PARG: variants seen among roughly 807,000 people sequenced by gnomAD.
PARG encodes the protein poly(ADP-ribose) glycohydrolase.
A neutral mutation model predicts 113.0 loss-of-function variants in PARG; 35 were observed. That is an observed-to-expected ratio of 0.31 (90% CI 0.24 to 0.41). PARG has a LOEUF of 0.41. PARG is among the 10% of genes least tolerant of loss of function. The pLI, the probability that PARG is intolerant of heterozygous loss-of-function variation, is 1.00. For missense variants in PARG, 797 were observed against 1,169.4 expected, an observed-to-expected ratio of 0.68 and a Z score of 4.64; for synonymous variants, 330 against 409.9, an observed-to-expected ratio of 0.81 and a Z score of 2.36.
chr10:49,913,846 T>C (rs1429516708), intron 7 of PARG, among the ~76,000 whole-genome samples: 2 of 152,142 alleles, frequency 1.3e-5, no homozygotes, highest in African/African-American at 4.8e-5. Flanking sequence ...GAAATTGCAG[T>C]GAGCTGAGAT....
intron 4 of PARG, among the ~76,000 whole-genome samples, chr10:49,925,475 C>T (rs1838103231): frequency 6.6e-6 from 1 of 152,204 alleles, no homozygotes; most frequent in Admixed American, 6.5e-5. Flanking sequence ...ATGCATCTTA[C>T]ATGTATTGAT....
At chr10:49,857,012 A>AT (rs1327587362) in intron 13 of PARG, among the ~76,000 whole-genome samples, 8 of 81,456 alleles carry the variant, frequency 9.8e-5, no homozygotes, top group Non-Finnish European at 2.5e-4. Flanking sequence ...TCTGTCTCAA[A>AT]AAAAAAAAAA....
intron 16 of PARG, among the ~76,000 whole-genome samples, chr10:49,826,648 T>C (rs1356159960): frequency 1.3e-5 from 2 of 152,224 alleles, no homozygotes; most frequent in Admixed American, 1.3e-4. Context: ...TTAATATACA[T>C]ATGTCATGGA....
At chr10:49,938,733 T>A (rs1244148559) in intron 1 of PARG, among the ~76,000 whole-genome samples, 1 of 152,052 alleles carries the variant, frequency 6.6e-6, no homozygotes, top group African/African-American at 2.4e-5. Flanking sequence ...CCAGCAAAAT[T>A]AGCGATTTCA....
At chr10:49,848,924 A>G (rs1554833730) in intron 13 of PARG, among the ~76,000 whole-genome samples, 1 of 151,782 alleles carries the variant, frequency 6.6e-6, no homozygotes. Flanking sequence ...CATCCTAGAC[A>G]TGTGTCAAAG....
chr10:49,826,294 A>G (rs1485121487), intron 16 of PARG, among the ~76,000 whole-genome samples: 2 of 152,204 alleles, frequency 1.3e-5, no homozygotes, highest in Admixed American at 6.5e-5. Flanking sequence ...AGAAGAAAGC[A>G]AAGTGAGGAG....
At chr10:49,921,443 G>A (rs1837866357) in intron 6 of PARG, among the ~76,000 whole-genome samples, 1 of 151,538 alleles carries the variant, frequency 6.6e-6, no homozygotes, top group South Asian at 2.1e-4. Context: ...TAAAAAAAGA[G>A]CCCATTAGAA....
chr10:49,936,581 T>G lies in PARG; in HGVS notation c.218-1439A>C, dbSNP rs1327400096. 1.3e-3 allele frequency among the ~76,000 whole-genome samples: 197 copies of G among 152,262 alleles called. 1 individual carries two copies. Among genetic ancestry groups the G allele is most frequent in the African/African-American group, 4.5e-3 (186 of 41,556 alleles). The stretch of plus-strand genomic sequence containing the variant: ...TTAGAAATAAGTGTGCTGTCAAAAT[T>G]TAATATACTGAATAGGGATTAAATG... On this transcript the variant is annotated intron_variant, in intron 1 of 17. Coordinates refer to ENST00000616448, the MANE Select transcript of PARG (RefSeq NM_003631.5).
intron 4 of PARG, among the ~76,000 whole-genome samples, chr10:49,928,429 T>C (rs535696690): frequency 2.0e-3 from 306 of 152,084 alleles, no homozygotes; most frequent in African/African-American, 7.1e-3. Flanking sequence ...GGAACATACA[T>C]GTAATATGCT....
intron 7 of PARG, among the ~76,000 whole-genome samples, chr10:49,907,541 T>C (rs1554845277): frequency 6.6e-6 from 1 of 152,134 alleles, no homozygotes; most frequent in Non-Finnish European, 1.5e-5. Flanking sequence ...GAAAAACAGA[T>C]CTAACGTTCT....
chr10:49,932,851 A>G (rs1432424185), intron 3 of PARG, among the ~76,000 whole-genome samples: 3 of 152,028 alleles, frequency 2.0e-5, no homozygotes, highest in African/African-American at 7.2e-5. Flanking sequence ...AAAGTGTAAT[A>G]TACAATGGTC....
chr10:49,880,446 CAAGG>C, intron 8 of PARG, among the ~76,000 whole-genome samples: 1 of 152,184 alleles, frequency 6.6e-6, no homozygotes, highest in Non-Finnish European at 1.5e-5. Context: ...CATTCCAAGT[CAAGG>C]AAGATGTAAG....
At chr10:49,880,165 C>T (rs1847145970) in intron 8 of PARG, among the ~76,000 whole-genome samples, 1 of 152,030 alleles carries the variant, frequency 6.6e-6, no homozygotes, top group African/African-American at 2.4e-5. Context: ...AAAGATGAAA[C>T]AAAAATATAT....
intron 13 of PARG, among the ~76,000 whole-genome samples, chr10:49,844,894 C>T (rs1345657665): frequency 6.6e-6 from 1 of 152,176 alleles, no homozygotes; most frequent in Non-Finnish European, 1.5e-5. Context: ...CGAACTCCTA[C>T]ATGTCTGCAA....
intron 11 of PARG, among the ~76,000 whole-genome samples, chr10:49,861,865 T>C (rs1362541956): frequency 1.3e-5 from 2 of 150,920 alleles, no homozygotes; most frequent in Non-Finnish European, 3.0e-5. Flanking sequence ...AAATTAAAAT[T>C]GGATAACATA....
At chr10:49,832,752 A>T (rs959092472) in intron 16 of PARG, 51 bp downstream of exon 16, 6 of 1,048,636 alleles carry the variant, frequency 5.7e-6, no homozygotes, top group Non-Finnish European at 8.5e-6. Flanking sequence ...TTGAAGGACT[A>T]ACTTTTTTTG....
At chr10:49,899,128 T>C (rs1554843397) in intron 7 of PARG, among the ~76,000 whole-genome samples, 1 of 152,228 alleles carries the variant, frequency 6.6e-6, no homozygotes, top group East Asian at 1.9e-4. Context: ...TCAGAATCTC[T>C]ATTACTCAGC....
At position 49,881,468 on chromosome 10, in the gene PARG, C is replaced by T. The variant is rs1847211047; in HGVS notation, c.1831-1638G>A. Among the ~76,000 whole-genome samples, 4 of 152,200 alleles carry T rather than the reference C, an allele frequency of 2.6e-5. No individual in the cohort carries two copies. The South Asian group carries it at 8.3e-4, about 31-fold the overall frequency. On this transcript the variant is annotated intron_variant, in intron 8 of 17. Transcript: ENST00000616448. ...CCTTCAGCTGTTAAGTTTCAAAATG[C>T]TCCCACAGAATATTTAGAGATGCAT...
intron 7 of PARG, among the ~76,000 whole-genome samples, chr10:49,890,645 A>AT (rs111832028): frequency 3.3e-5 from 5 of 151,418 alleles, no homozygotes; most frequent in South Asian, 2.1e-4. Context: ...TGGACAGGCT[A>AT]TTTTTTTTTC....
Sources: allele counts gnomAD v4.1 joint callset (sites outside exome capture counted in the v4.1 genomes callset), GRCh38; gene constraint gnomAD v4.1.1; transcripts MANE v1.5; gene names NCBI Gene and HGNC (gene_info 2026-07-23, HGNC 2026-07-21).